The following DNAAF9 variants were observed in gnomAD, a reference collection of about 807,000 sequenced individuals.
DNAAF9 encodes the protein shulin.
DNAAF9 carries 90 observed loss-of-function variants against 167.0 expected under a neutral mutation model. The ratio of observed to expected loss-of-function variants is 0.54; its 90% CI spans 0.45 to 0.64. The LOEUF is 0.64. DNAAF9 is among the 30% of genes least tolerant of loss of function. The pLI, the probability that DNAAF9 is intolerant of heterozygous loss-of-function variation, is 0.00. For synonymous variants in DNAAF9, 491 were observed against 508.8 expected (o/e 0.96, Z 0.47); for missense variants, 1,315 against 1,442.2 (o/e 0.91, Z 1.43).
rs56942768 is a variant in DNAAF9, at chr20:3,270,136, C to CTTTTTT, written c.2786+285_2786+290dup. ...GGCACGAGCCATTGTGCCCAGCCTG[C>CTTTTTT]TTTTTTTTTTTTTTTTTTTAAAGAG... On this transcript the variant is annotated intron_variant, in intron 30 of 36. Transcript: ENST00000252032. Among the ~76,000 whole-genome samples the CTTTTTT allele has an allele frequency of 5.6e-5, 7 of 125,472 alleles. No individual in the cohort carries two copies. In the South Asian group the frequency reaches 8.0e-4, roughly 14 times the overall value. 82.3% of individuals were successfully genotyped at this position (125,472 alleles called of 152,430 possible).
intron 16 of DNAAF9, 38 bp from the exon 17 acceptor site, chr20:3,318,438 C>G: frequency 9.7e-7 from 1 of 1,026,384 alleles, no homozygotes; most frequent in East Asian, 2.4e-5. Flanking sequence ...CAGTTACCAG[C>G]CCAAAACTTT....
chr20:3,327,310 G>A (rs551230282), intron 12 of DNAAF9, among the ~76,000 whole-genome samples: 1 of 152,270 alleles, frequency 6.6e-6, no homozygotes, highest in South Asian at 2.1e-4. Context: ...GATGTTGGTA[G>A]CATTCCAGTT....
chr20:3,294,028 T>A (rs1568584465), intron 25 of DNAAF9, 111 bp downstream of exon 25: 2 of 699,984 alleles, frequency 2.9e-6, no homozygotes. Context: ...GAGAGTCCTG[T>A]AACAGGGACT....
chr20:3,272,706 A>G (rs573617017), intron 29 of DNAAF9, among the ~76,000 whole-genome samples: 10 of 152,322 alleles, frequency 6.6e-5, no homozygotes, highest in African/African-American at 2.4e-4. Context: ...TAGGCTTTCA[A>G]CATTTATATT....
At chr20:3,353,649 CA>C (rs1250816329) in intron 7 of DNAAF9, among the ~76,000 whole-genome samples, 5 of 108,288 alleles carry the variant, frequency 4.6e-5, no homozygotes, top group East Asian at 3.1e-4. Flanking sequence ...CCCCCCCCCG[CA>C]AAAAAAAAGG....
At chr20:3,362,130 G>A (rs866344056) in intron 6 of DNAAF9, 4 of 1,385,454 alleles carry the variant, frequency 2.9e-6, no homozygotes, top group Middle Eastern at 5.1e-4. Flanking sequence ...TTTTAAGGCT[G>A]TATATTCGGT....
At chr20:3,336,947 T>G (rs991054851) in intron 10 of DNAAF9, among the ~76,000 whole-genome samples, 2 of 149,090 alleles carry the variant, frequency 1.3e-5, no homozygotes, top group African/African-American at 4.9e-5. Context: ...TGGCACGATC[T>G]CGGCTCACTG....
At chr20:3,323,834 T>C (rs2069663346) in intron 14 of DNAAF9, among the ~76,000 whole-genome samples, 1 of 152,224 alleles carries the variant, frequency 6.6e-6, no homozygotes, top group Admixed American at 6.5e-5. Flanking sequence ...AATACCCCAC[T>C]GTGACAGCAG....
intron 31 of DNAAF9, among the ~76,000 whole-genome samples, chr20:3,262,409 C>T (rs2068407977): frequency 6.6e-6 from 1 of 151,990 alleles, no homozygotes; most frequent in African/African-American, 2.4e-5. Flanking sequence ...TGCCACCATG[C>T]CCGGCTAACT....
chr20:3,345,034 T>C (rs895843201), intron 8 of DNAAF9, among the ~76,000 whole-genome samples: 1 of 152,338 alleles, frequency 6.6e-6, no homozygotes, highest in South Asian at 2.1e-4. Flanking sequence ...TATTTATTTA[T>C]TGAGGCAGAG....
intron 29 of DNAAF9, 89 bp from the exon 30 acceptor site, chr20:3,270,651 A>AT (rs2068577270): frequency 4.4e-6 from 5 of 1,126,106 alleles, no homozygotes; most frequent in Non-Finnish European, 6.6e-6. Flanking sequence ...TCCATCCCCT[A>AT]ATCATGCCTT....
intron 30 of DNAAF9, 63 bp from the exon 31 acceptor site, chr20:3,264,587 T>C: frequency 1.2e-6 from 1 of 865,294 alleles, no homozygotes; most frequent in South Asian, 1.4e-5. Context: ...TTTTTTTTTC[T>C]TGAGACGGAG....
At chr20:3,366,972 G>A (rs528011802) in intron 6 of DNAAF9, among the ~76,000 whole-genome samples, 377 of 151,770 alleles carry the variant, frequency 2.5e-3, no homozygotes, top group African/African-American at 8.3e-3. Context: ...AAAAAAGAAA[G>A]TCCTAGATGG....
At position 3,336,252 on chromosome 20, in the gene DNAAF9, G is replaced by GTTTTTTTTTTTT. The variant is rs1178750984; in HGVS notation, c.982-3892_982-3891insAAAAAAAAAAAA. Among the ~76,000 whole-genome samples the GTTTTTTTTTTTT allele has an allele frequency of 1.5e-3, 126 of 81,372 alleles. 6 individuals are homozygous for GTTTTTTTTTTTT. Among genetic ancestry groups the GTTTTTTTTTTTT allele is most frequent in the African/African-American group, 2.9e-3 (56 of 19,624 alleles). 53.4% of individuals were successfully genotyped at this position (81,372 alleles called of 152,430 possible). The stretch of plus-strand genomic sequence containing the variant: ...TGATTTTGCAGATTCACAGTTTTGC[G>GTTTTTTTTTTTT]TTTTTGTTTTTTTTTTTTTTTTTGC... On this transcript the variant is annotated intron_variant, in intron 10 of 36. Coordinates refer to ENST00000252032, the MANE Select transcript of DNAAF9 (RefSeq NM_001009984.3).
chr20:3,397,557 ATCTGCCCGTC>A (rs2083927623), intron 1 of DNAAF9, among the ~76,000 whole-genome samples: 1 of 152,142 alleles, frequency 6.6e-6, no homozygotes, highest in South Asian at 2.1e-4. Context: ...TGACCTCGTG[ATCTGCCCGTC>A]TCAGCCTCCC....
In DNAAF9 at chr20:3,347,739, A is replaced by G. The variant is rs542949613; in HGVS notation, c.789+786T>C. Among the ~76,000 whole-genome samples the G allele has an allele frequency of 2.6e-5, 4 of 152,244 alleles. 1 individual carries two copies. Among genetic ancestry groups the G allele is most frequent in the African/African-American group, 9.6e-5 (4 of 41,550 alleles). The stretch of plus-strand genomic sequence containing the variant: ...GGAGTTCGAGACCAGCCTGGTCAAC[A>G]TGGTAAAACCCATCTCTACTAAAAA... On this transcript the variant is annotated intron_variant, in intron 8 of 36. Transcript: ENST00000252032.
At chr20:3,379,002 T>C (rs941318703) in intron 3 of DNAAF9, among the ~76,000 whole-genome samples, 4 of 151,582 alleles carry the variant, frequency 2.6e-5, no homozygotes, top group African/African-American at 7.3e-5. Flanking sequence ...TCTCAGCATA[T>C]TGGTCCTTCT....
Position 3,250,939 on chromosome 20 carries a change from A to AAGCG in DNAAF9, c.*1629_*1632dup, listed in dbSNP as rs1271880276. ...CTTAAGATCTATGTTACTGATTCTGAAGCGAGGCAAGCCCTTGACGGACCG... is the reference window on the plus strand; with the variant it reads ...CTTAAGATCTATGTTACTGATTCTGAAGCGAGCGAGGCAAGCCCTTGACGGACCG... On this transcript the variant is annotated 3_prime_UTR_variant, in exon 37 of 37. Coordinates refer to ENST00000252032, the MANE Select transcript of DNAAF9 (RefSeq NM_001009984.3). 1.3e-5 allele frequency: 2 copies of AAGCG among 152,196 alleles called. No homozygotes were observed. The highest frequency in any genetic ancestry group is 4.8e-5 in the African/African-American group (2 of 41,458). 9.4% of individuals were successfully genotyped at this position (152,196 alleles called of 1,614,324 possible).
At chr20:3,374,346 T>C (rs1347452824) in intron 5 of DNAAF9, among the ~76,000 whole-genome samples, 192 bp from the exon 6 acceptor site, 1 of 152,214 alleles carries the variant, frequency 6.6e-6, no homozygotes, top group Admixed American at 6.5e-5. Flanking sequence ...CAAGGAAAAT[T>C]CAAACCATAA....
Sources: allele counts gnomAD v4.1 joint callset (sites outside exome capture counted in the v4.1 genomes callset), GRCh38; gene constraint gnomAD v4.1.1; transcripts MANE v1.5; gene names NCBI Gene and HGNC (gene_info 2026-07-23, HGNC 2026-07-21).